Variants in SEC63 observed in about 807,000 individuals in gnomAD.
The protein encoded by SEC63 is SEC63 protein translocation regulator, also known as translocation protein SEC63 homolog.
SEC63 carries 56 observed loss-of-function variants against 116.2 expected under a neutral mutation model. That is an observed-to-expected ratio of 0.48 (90% CI 0.39 to 0.60). The LOEUF (loss-of-function observed/expected upper bound fraction) is 0.60. Among genes scored for constraint, SEC63 ranks in the 20% least tolerant of loss-of-function variants. The pLI, the probability that SEC63 is intolerant of heterozygous loss-of-function variation, is 0.00. For synonymous variants in SEC63, 273 were observed against 294.6 expected (o/e 0.93, Z 0.75); for missense variants, 668 against 900.0 (o/e 0.74, Z 3.30).
intron 16 of SEC63, among the ~76,000 whole-genome samples, chr6:107,887,276 C>A (rs1416043163): frequency 6.8e-6 from 1 of 146,308 alleles, no homozygotes. Context: ...ATAAATCATG[C>A]TGCTATAAAG....
In SEC63 at chr6:107,882,932, C is replaced by T. The variant is rs1786444999; in HGVS notation, c.1833+56G>A. On this transcript the variant is annotated intron_variant, in intron 17 of 20. Transcript: ENST00000369002. ...TGAACAACAACAACAAAACCCAAAG[C>T]TATCATCAGAGATATAATTCCAATT... 7 of 1,182,638 alleles carry T rather than the reference C, an allele frequency of 5.9e-6. No individual in the cohort carries two copies. In the East Asian group the frequency reaches 1.6e-4, roughly 28 times the overall value. 73.3% of individuals were successfully genotyped at this position (1,182,638 alleles called of 1,614,324 possible).
At chr6:107,902,625 C>A (rs1055562688) in intron 12 of SEC63, among the ~76,000 whole-genome samples, 2 of 152,034 alleles carry the variant, frequency 1.3e-5, no homozygotes, top group Admixed American at 6.6e-5. Flanking sequence ...CAACAACCCC[C>A]AAAATAATAA....
rs75964975 is a variant in SEC63 at position 107,940,225 on chromosome 6, C to T, written c.125-10711G>A. 3.9e-5 allele frequency among the ~76,000 whole-genome samples: 6 copies of T among 152,012 alleles called. No homozygotes were observed. The East Asian group carries it at 1.2e-3, about 29-fold the overall frequency. Reference sequence around the variant, plus strand: ...GGATCACAGCAGAACCACCCCTCTACCACCAAAGTTCACAATTCTCAGGAA... The same window carrying T: ...GGATCACAGCAGAACCACCCCTCTATCACCAAAGTTCACAATTCTCAGGAA... On this transcript the variant is annotated intron_variant, in intron 1 of 20. Transcript: ENST00000369002.
At chr6:107,876,296 T>A (rs1291549825) in intron 19 of SEC63, among the ~76,000 whole-genome samples, 5 of 152,004 alleles carry the variant, frequency 3.3e-5, no homozygotes, top group Non-Finnish European at 7.4e-5. Context: ...GGAGGAAAGG[T>A]GTATGTTCTT....
chr6:107,957,831 T>C (rs916796739), intron 1 of SEC63, 55 bp downstream of exon 1: 7 of 1,533,408 alleles, frequency 4.6e-6, no homozygotes, highest in African/African-American at 1.4e-5. Flanking sequence ...CCGCAGGGCC[T>C]GGGGGCGCTG....
At chr6:107,874,525 G>C (rs1213712932) in intron 19 of SEC63, among the ~76,000 whole-genome samples, 1 of 150,494 alleles carries the variant, frequency 6.6e-6, no homozygotes, top group Non-Finnish European at 1.5e-5. Flanking sequence ...GAACCCGGGA[G>C]GCGGAGCTTG....
chr6:107,935,475 T>G (rs1283327939), intron 1 of SEC63, among the ~76,000 whole-genome samples: 1 of 150,868 alleles, frequency 6.6e-6, no homozygotes, highest in Non-Finnish European at 1.5e-5. Context: ...GGGATCCTGT[T>G]GATCGGTGAC....
chr6:107,929,228 T>C (rs1787742943), intron 2 of SEC63, among the ~76,000 whole-genome samples, 187 bp downstream of exon 2: 1 of 152,154 alleles, frequency 6.6e-6, no homozygotes, highest in Admixed American at 6.5e-5. Flanking sequence ...AACAGTATAC[T>C]CCCCTTCCTT....
At chr6:107,932,975 C>T (rs759985705) in intron 1 of SEC63, among the ~76,000 whole-genome samples, 2 of 151,768 alleles carry the variant, frequency 1.3e-5, no homozygotes, top group Non-Finnish European at 2.9e-5. Flanking sequence ...TATACTATCT[C>T]GAATGACAAA....
intron 1 of SEC63, among the ~76,000 whole-genome samples, chr6:107,936,554 G>A (rs1770251362): frequency 6.6e-6 from 1 of 152,020 alleles, no homozygotes; most frequent in Non-Finnish European, 1.5e-5. Flanking sequence ...TTTTTTTAAA[G>A]AAATTATCCA....
intron 1 of SEC63, among the ~76,000 whole-genome samples, chr6:107,932,667 C>T (rs1787838564): frequency 6.6e-6 from 1 of 152,190 alleles, no homozygotes; most frequent in South Asian, 2.1e-4. Context: ...TTAAAAATAT[C>T]ACTACGAATG....
chr6:107,949,768 T>C (rs1770543082), intron 1 of SEC63, among the ~76,000 whole-genome samples: 1 of 152,110 alleles, frequency 6.6e-6, no homozygotes, highest in African/African-American at 2.4e-5. Context: ...TAGCTAGGAC[T>C]AAAGGTGCGT....
At chr6:107,896,281 C>T (rs977306390) in intron 14 of SEC63, among the ~76,000 whole-genome samples, 265 of 151,912 alleles carry the variant, frequency 1.7e-3, no homozygotes, top group African/African-American at 6.1e-3. Context: ...CTGGCCAACA[C>T]GGTGAAACCC....
chr6:107,903,163 T>C (rs767424485), intron 11 of SEC63, 165 bp from the exon 12 acceptor site: 7 of 707,208 alleles, frequency 9.9e-6, no homozygotes, highest in Non-Finnish European at 1.7e-5. Flanking sequence ...ACTAAAAATA[T>C]ACAAACTCGA....
At chr6:107,893,119 CACACACACACACA>C (rs956635893) in intron 16 of SEC63, among the ~76,000 whole-genome samples, 6 of 23,848 alleles carry the variant, frequency 2.5e-4, no homozygotes, top group African/African-American at 2.3e-3. Context: ...CACACACACA[CACACACACACACA>C]CACACACACA....
At chr6:107,921,732 A>G in intron 4 of SEC63, 65 bp downstream of exon 4, 2 of 1,021,222 alleles carry the variant, frequency 2.0e-6, no homozygotes, top group Non-Finnish European at 3.1e-6. Flanking sequence ...GATTACAGGC[A>G]TGAACCACTG....
intron 17 of SEC63, among the ~76,000 whole-genome samples, chr6:107,881,798 A>C (rs1436241231): frequency 6.6e-6 from 1 of 152,124 alleles, no homozygotes; most frequent in Non-Finnish European, 1.5e-5. Context: ...TGCCTGCCCC[A>C]CTAGCCTACA....
At chr6:107,922,521 A>T (rs1787581804) in intron 3 of SEC63, among the ~76,000 whole-genome samples, 1 of 152,216 alleles carries the variant, frequency 6.6e-6, no homozygotes, top group Non-Finnish European at 1.5e-5. Context: ...AAATGAAGAT[A>T]AAAATAAATA....
At chr6:107,898,628 T>A (rs991019358) in intron 13 of SEC63, among the ~76,000 whole-genome samples, 3 of 152,200 alleles carry the variant, frequency 2.0e-5, no homozygotes, top group Non-Finnish European at 4.4e-5. Context: ...TAAATACGTG[T>A]TTTTGCAATT....
Sources: allele counts gnomAD v4.1 joint callset (sites outside exome capture counted in the v4.1 genomes callset), GRCh38; gene constraint gnomAD v4.1.1; transcripts MANE v1.5; gene names NCBI Gene and HGNC (gene_info 2026-07-23, HGNC 2026-07-21).